ATXN7L1: variants seen among roughly 807,000 people sequenced by gnomAD.
ATXN7L1 encodes the protein ataxin-7-like protein 1.
ATXN7L1 carries 15 observed loss-of-function variants against 70.8 expected under a neutral mutation model. That is an observed-to-expected ratio of 0.21 (90% CI 0.14 to 0.33). ATXN7L1 has a LOEUF of 0.33. Ranked by LOEUF, ATXN7L1 falls within the 10% of genes least tolerant of loss-of-function variation. The pLI is 1.00. For synonymous variants in ATXN7L1, 440 were observed against 445.1 expected (o/e 0.99, Z 0.14); for missense variants, 975 against 1,097.1 (o/e 0.89, Z 1.57).
chr7:105,756,262 T>A (rs956453921), intron 3 of ATXN7L1, among the ~76,000 whole-genome samples: 3 of 147,742 alleles, frequency 2.0e-5, no homozygotes, highest in African/African-American at 7.3e-5. Flanking sequence ...TTAAAAAAAC[T>A]CTGTTTGCCA....
At chr7:105,646,153 A>G (rs905922666) in intron 4 of ATXN7L1, among the ~76,000 whole-genome samples, 2 of 151,852 alleles carry the variant, frequency 1.3e-5, no homozygotes, top group African/African-American at 4.8e-5. Flanking sequence ...TCTACAAAAT[A>G]GAAATAAAAA....
chr7:105,672,901 A>G (rs1429788951), intron 3 of ATXN7L1, among the ~76,000 whole-genome samples: 3 of 152,242 alleles, frequency 2.0e-5, no homozygotes, highest in Admixed American at 1.3e-4. Flanking sequence ...TACCAAAGAA[A>G]TGAAAAGCCA....
intron 3 of ATXN7L1, among the ~76,000 whole-genome samples, chr7:105,699,201 C>T (rs529971349): frequency 7.2e-5 from 11 of 152,112 alleles, no homozygotes; most frequent in East Asian, 5.8e-4. Flanking sequence ...TGTGCAATCT[C>T]GGCTCACTGC....
At chr7:105,787,127 A>G (rs1360647811) in intron 3 of ATXN7L1, among the ~76,000 whole-genome samples, 1 of 152,136 alleles carries the variant, frequency 6.6e-6, no homozygotes. Flanking sequence ...GGAGAGGGTC[A>G]TTTGGTACAG....
At chr7:105,826,813 CT>C (rs1810936789) in intron 2 of ATXN7L1, among the ~76,000 whole-genome samples, 1 of 152,090 alleles carries the variant, frequency 6.6e-6, no homozygotes, top group Non-Finnish European at 1.5e-5. Flanking sequence ...ACAGAGAAGT[CT>C]GAATGGTAGA....
chr7:105,801,965 C>T (rs17152148), intron 2 of ATXN7L1, among the ~76,000 whole-genome samples: 32,373 of 152,106 alleles, frequency 0.21, 3,692 homozygotes, highest in South Asian at 0.41. Context: ...ATGTGGCCCA[C>T]GGCATTAAAT....
intron 2 of ATXN7L1, among the ~76,000 whole-genome samples, chr7:105,797,339 C>G (rs926186545): frequency 1.3e-5 from 2 of 152,282 alleles, no homozygotes; most frequent in East Asian, 1.9e-4. Flanking sequence ...CCCCCGGACC[C>G]CAACCCCAAC....
chr7:105,818,065 C>T (rs1809460946), intron 2 of ATXN7L1, among the ~76,000 whole-genome samples: 1 of 152,140 alleles, frequency 6.6e-6, no homozygotes, highest in South Asian at 2.1e-4. Context: ...GTAAGAAAAT[C>T]ACTGAGGTTT....
At position 105,613,328 on chromosome 7, in the gene ATXN7L1, G is replaced by A. The variant is rs906335257; in HGVS notation, c.2472+534C>T. 8 of 209,884 alleles carry A rather than the reference G, an allele frequency of 3.8e-5. No homozygotes were observed. The South Asian group carries it at 4.8e-4, about 13-fold the overall frequency. The allele number at this position is 209,884 out of a possible 1,614,324, so 13.0% of individuals were successfully genotyped here. On this transcript the variant is annotated intron_variant, in intron 10 of 11. Coordinates refer to ENST00000419735, the MANE Select transcript of ATXN7L1 (RefSeq NM_020725.2). ...ATTCTATTAGGAGGAGGTGGGGGTC[G>A]AGGCAGCCTAGGAAAGTGGGAAGGA...
chr7:105,732,226 A>C (rs2116332556), intron 3 of ATXN7L1, among the ~76,000 whole-genome samples: 1 of 152,284 alleles, frequency 6.6e-6, no homozygotes, highest in South Asian at 2.1e-4. Flanking sequence ...CCTGACCAAC[A>C]TCGTGAAACC....
intron 3 of ATXN7L1, among the ~76,000 whole-genome samples, chr7:105,717,031 G>A (rs1320014265): frequency 6.6e-6 from 1 of 152,074 alleles, no homozygotes; most frequent in Non-Finnish European, 1.5e-5. Context: ...AAAATACACA[G>A]ATATGTACAT....
At chr7:105,700,951 G>A (rs1007517187) in intron 3 of ATXN7L1, among the ~76,000 whole-genome samples, 2 of 152,076 alleles carry the variant, frequency 1.3e-5, no homozygotes, top group African/African-American at 4.8e-5. Flanking sequence ...CAAAGTGCTG[G>A]GATTATAGGT....
intron 2 of ATXN7L1, among the ~76,000 whole-genome samples, chr7:105,817,615 C>T (rs1426831117): frequency 6.6e-6 from 1 of 152,096 alleles, no homozygotes; most frequent in Admixed American, 6.5e-5. Context: ...GCAAATGGAG[C>T]AAAATGTTAA....
chr7:105,786,231 C>A (rs1054660362), intron 3 of ATXN7L1, among the ~76,000 whole-genome samples: 6 of 152,146 alleles, frequency 3.9e-5, no homozygotes, highest in Non-Finnish European at 4.4e-5. Flanking sequence ...GATCAGTAAC[C>A]CCAAACCCCC....
At chr7:105,617,128 G>A (rs372047635) in intron 9 of ATXN7L1, among the ~76,000 whole-genome samples, 8 of 151,990 alleles carry the variant, frequency 5.3e-5, no homozygotes, top group Admixed American at 2.0e-4. Flanking sequence ...CCGGGTTCAC[G>A]CCATTCTGCT....
intron 2 of ATXN7L1, among the ~76,000 whole-genome samples, chr7:105,873,427 A>T (rs1021243799): frequency 7.2e-5 from 11 of 152,146 alleles, no homozygotes; most frequent in African/African-American, 2.7e-4. Context: ...TTTGTTGATC[A>T]CTCCAAAAAG....
At chr7:105,727,994 T>A (rs1187246794) in intron 3 of ATXN7L1, among the ~76,000 whole-genome samples, 2 of 151,750 alleles carry the variant, frequency 1.3e-5, no homozygotes, top group Non-Finnish European at 2.9e-5. Flanking sequence ...TTGTGTAATG[T>A]AAAAATTATT....
chr7:105,846,338 A>G (rs553968745), intron 2 of ATXN7L1, among the ~76,000 whole-genome samples: 2 of 152,292 alleles, frequency 1.3e-5, no homozygotes, highest in South Asian at 2.1e-4. Context: ...AAAATGGCCA[A>G]TAGGTGCCAT....
chr7:105,665,387 C>T (rs753963711), intron 3 of ATXN7L1, 99 bp from the exon 4 acceptor site: 45 of 985,078 alleles, frequency 4.6e-5, no homozygotes, highest in Middle Eastern at 3.1e-4. Flanking sequence ...CGGAGAGAAG[C>T]GCTTTCCCTA....
Sources: gnomAD v4.1 joint callset for allele counts (sites outside exome capture counted in the v4.1 genomes callset) on GRCh38, gnomAD v4.1.1 for gene constraint, MANE v1.5 for transcripts, NCBI Gene and HGNC (gene_info 2026-07-23, HGNC 2026-07-21) for gene names.